Variants in UNC13C observed in about 807,000 individuals in gnomAD.
The protein encoded by UNC13C is unc-13 homolog C, also known as protein unc-13 homolog C.
Under a neutral mutation model 245.4 loss-of-function variants are expected in UNC13C, and 174 were observed. The observed-to-expected ratio is 0.71, with a 90% CI of 0.63 to 0.80. UNC13C has a LOEUF of 0.80. Among genes scored for constraint, UNC13C ranks in the 30% least tolerant of loss-of-function variants. UNC13C has a pLI of 0.00. For missense variants in UNC13C, 2,829 were observed against 2,602.9 expected, an observed-to-expected ratio of 1.09 and a Z score of -1.89; for synonymous variants, 992 against 895.1, an observed-to-expected ratio of 1.11 and a Z score of -1.93.
intron 2 of UNC13C, among the ~76,000 whole-genome samples, chr15:54,067,844 C>T (rs188514378): frequency 6.6e-6 from 1 of 152,288 alleles, no homozygotes; most frequent in East Asian, 1.9e-4. Context: ...GAGCTCAATA[C>T]ATGTGAAAAT....
the UNC13C span, among the ~76,000 whole-genome samples, chr15:53,932,032 C>T: frequency 0.053 from 8,050 of 151,964 alleles, 423 homozygotes; most frequent in African/African-American, 0.13. Context: ...GACCTAAGTC[C>T]GGGCACAGTG....
At chr15:54,001,817 T>C (rs1490723877) in intron 1 of UNC13C, among the ~76,000 whole-genome samples, 1 of 152,180 alleles carries the variant, frequency 6.6e-6, no homozygotes, top group African/African-American at 2.4e-5. Context: ...AAGTAGCCAA[T>C]CTGACTTAAG....
intron 32 of UNC13C, among the ~76,000 whole-genome samples, chr15:54,626,307 A>G (rs1389217925): frequency 6.3e-5 from 2 of 31,794 alleles, no homozygotes; most frequent in African/African-American, 1.1e-4. Context: ...TTTACTCTGG[A>G]TGGAGATTTG....
chr15:54,007,840 AGTGAGACAAGC>A (rs747212809), intron 1 of UNC13C, among the ~76,000 whole-genome samples: 1 of 152,194 alleles, frequency 6.6e-6, no homozygotes, highest in Non-Finnish European at 1.5e-5. Flanking sequence ...AATAAGGGCC[AGTGAGACAAGC>A]GTGAGTCCTG....
chr15:54,074,471 A>G lies in UNC13C; in HGVS notation c.2983+58585A>G, dbSNP rs549518368. ...GAGCCTACAGATTACTTTGGAAAGT[A>G]TGGCCATTTTCACGATATTGATTCT... On this transcript the variant is annotated intron_variant, in intron 2 of 32. Transcript: ENST00000260323. 4.6e-5 allele frequency among the ~76,000 whole-genome samples: 7 copies of G among 152,344 alleles called. No individual in the cohort carries two copies. In the East Asian group the frequency reaches 9.6e-4, roughly 21 times the overall value.
At chr15:54,568,847 AT>A (rs1190941738) in intron 30 of UNC13C, among the ~76,000 whole-genome samples, 30 of 152,150 alleles carry the variant, frequency 2.0e-4, no homozygotes, top group African/African-American at 6.8e-4. Context: ...TTTTCTACCT[AT>A]ATCAAAGATA....
the UNC13C span, among the ~76,000 whole-genome samples, chr15:53,962,896 T>C: frequency 6.6e-6 from 1 of 152,228 alleles, no homozygotes; most frequent in Non-Finnish European, 1.5e-5. Flanking sequence ...TAAGAGTTCA[T>C]CTGTCATCCT....
At chr15:54,316,782 A>G (rs1219242989) in intron 13 of UNC13C, among the ~76,000 whole-genome samples, 1 of 151,862 alleles carries the variant, frequency 6.6e-6, no homozygotes, top group Non-Finnish European at 1.5e-5. Flanking sequence ...CTTCACCGCT[A>G]TGGGATTCAA....
chr15:54,372,353 T>C (rs1351024052), intron 17 of UNC13C, among the ~76,000 whole-genome samples: 2 of 152,030 alleles, frequency 1.3e-5, no homozygotes, highest in African/African-American at 2.4e-5. Flanking sequence ...GCCTAGATTA[T>C]TGAAAAAATA....
At chr15:54,115,186 T>G (rs1030622536) in intron 2 of UNC13C, among the ~76,000 whole-genome samples, 11 of 152,298 alleles carry the variant, frequency 7.2e-5, no homozygotes, top group African/African-American at 2.6e-4. Context: ...TAAAATATTT[T>G]TAGCTCACTG....
chr15:54,458,495 TCTC>T (rs1429740222), intron 19 of UNC13C, among the ~76,000 whole-genome samples: 1 of 151,994 alleles, frequency 6.6e-6, no homozygotes, highest in Non-Finnish European at 1.5e-5. Flanking sequence ...GACATTGAAA[TCTC>T]CTACTTTTAT....
chr15:53,873,923 T>TTCCTTTCTTCCTTCCTTC, the UNC13C span, among the ~76,000 whole-genome samples: 3 of 47,610 alleles, frequency 6.3e-5, no homozygotes, highest in African/African-American at 2.4e-4. Flanking sequence ...TTCCTTCCTT[T>TTCCTTTCTTCCTTCCTTC]CTTCCTTCCT....
At chr15:54,587,533 T>C (rs1406010285) in intron 30 of UNC13C, among the ~76,000 whole-genome samples, 2 of 152,232 alleles carry the variant, frequency 1.3e-5, no homozygotes, top group South Asian at 2.1e-4. Flanking sequence ...ATATAGATAG[T>C]AAACTCACAA....
intron 2 of UNC13C, among the ~76,000 whole-genome samples, chr15:54,028,661 G>C (rs528395587): frequency 1.2e-4 from 18 of 145,614 alleles, no homozygotes; most frequent in Non-Finnish European, 2.7e-4. Flanking sequence ...TAAGACCCTG[G>C]CCTCCAGAGT....
At chr15:54,239,221 C>T (rs1023820145) in intron 7 of UNC13C, among the ~76,000 whole-genome samples, 2 of 152,164 alleles carry the variant, frequency 1.3e-5, no homozygotes, top group Non-Finnish European at 2.9e-5. Context: ...CTATATTTCT[C>T]ATTCCCTTCC....
chr15:54,219,624 C>T (rs1478174489), intron 4 of UNC13C, among the ~76,000 whole-genome samples: 2 of 150,302 alleles, frequency 1.3e-5, no homozygotes, highest in Non-Finnish European at 3.0e-5. Flanking sequence ...TAAAGAGCTT[C>T]TGCACAGCAA....
At chr15:54,392,517 T>C (rs1483777867) in intron 17 of UNC13C, among the ~76,000 whole-genome samples, 1 of 152,044 alleles carries the variant, frequency 6.6e-6, no homozygotes, top group African/African-American at 2.4e-5. Flanking sequence ...ATATATAGTG[T>C]GGGATTTAAC....
chr15:54,515,055 T>A (rs1411923071), intron 24 of UNC13C, among the ~76,000 whole-genome samples: 1 of 152,144 alleles, frequency 6.6e-6, no homozygotes, highest in Admixed American at 6.6e-5. Flanking sequence ...TGTTTTGGCA[T>A]AACATCTCTG....
At chr15:54,629,786 G>C (rs1455375340), downstream of UNC13C, 1 of 152,068 alleles carries the variant, frequency 6.6e-6, no homozygotes, top group African/African-American at 2.4e-5. Flanking sequence ...AATTGAGCAA[G>C]GTATTTTTTC....
Sources: gnomAD v4.1 joint callset for allele counts (sites outside exome capture counted in the v4.1 genomes callset) on GRCh38, gnomAD v4.1.1 for gene constraint, MANE v1.5 for transcripts, NCBI Gene and HGNC (gene_info 2026-07-23, HGNC 2026-07-21) for gene names.